The following SLC9A9 variants were observed in gnomAD, a reference collection of about 807,000 sequenced individuals.
SLC9A9 encodes the protein sodium/hydrogen exchanger 9.
SLC9A9 carries 62 observed loss-of-function variants against 77.8 expected under a neutral mutation model. The observed-to-expected ratio is 0.80, with a 90% CI of 0.65 to 0.98. The LOEUF is 0.98. Ranked by LOEUF, SLC9A9 falls within the 50% of genes least tolerant of loss-of-function variation. The pLI, the probability that SLC9A9 is intolerant of heterozygous loss-of-function variation, is 0.00. For synonymous variants in SLC9A9, 320 were observed against 283.5 expected, an observed-to-expected ratio of 1.13 and a Z score of -1.29; for missense variants, 775 against 774.9, an observed-to-expected ratio of 1.00 and a Z score of 0.00.
chr3:143,300,603 A>G (rs1290423412), intron 14 of SLC9A9, among the ~76,000 whole-genome samples: 1 of 152,230 alleles, frequency 6.6e-6, no homozygotes, highest in Non-Finnish European at 1.5e-5. Flanking sequence ...GGTGATGCCT[A>G]TGCTCCTGAT....
intron 6 of SLC9A9, among the ~76,000 whole-genome samples, chr3:143,598,269 C>T (rs920318947): frequency 6.6e-6 from 1 of 152,164 alleles, no homozygotes; most frequent in Non-Finnish European, 1.5e-5. Flanking sequence ...AAAACTGTAT[C>T]CATACAAAGA....
intron 4 of SLC9A9, among the ~76,000 whole-genome samples, chr3:143,723,568 C>T (rs552688562): frequency 3.3e-5 from 5 of 152,186 alleles, no homozygotes; most frequent in African/African-American, 4.8e-5. Context: ...TTTGCCCTAT[C>T]GAAAATGTGT....
chr3:143,311,608 C>T (rs113545019), intron 14 of SLC9A9, among the ~76,000 whole-genome samples: 2 of 152,106 alleles, frequency 1.3e-5, no homozygotes, highest in African/African-American at 2.4e-5. Context: ...GAATTAGGAC[C>T]AGGTACAGTT....
At chr3:143,649,901 G>T (rs1171446848) in intron 6 of SLC9A9, among the ~76,000 whole-genome samples, 1 of 151,444 alleles carries the variant, frequency 6.6e-6, no homozygotes, top group East Asian at 1.9e-4. Flanking sequence ...CAACACAAAA[G>T]AGATTTTCAT....
chr3:143,588,787 C>T (rs1465897865), intron 6 of SLC9A9, among the ~76,000 whole-genome samples: 2 of 152,202 alleles, frequency 1.3e-5, no homozygotes, highest in East Asian at 3.9e-4. Flanking sequence ...CTTTGTATTT[C>T]TCTTTAAAGC....
intron 2 of SLC9A9, among the ~76,000 whole-genome samples, chr3:143,817,809 G>GATATCTGTTTAATGTTTA (rs1553725698): frequency 1.3e-5 from 2 of 151,962 alleles, no homozygotes; most frequent in South Asian, 2.1e-4. Context: ...TCTGTTATCT[G>GATATCTGTTTAATGTTTA]ATAGCCTATT....
chr3:143,782,570 C>A (rs2007916903), intron 4 of SLC9A9, among the ~76,000 whole-genome samples: 1 of 152,186 alleles, frequency 6.6e-6, no homozygotes, highest in Non-Finnish European at 1.5e-5. Context: ...TTATCTCTCT[C>A]TACTATTTAT....
chr3:143,554,855 C>A (rs1233991715), intron 8 of SLC9A9, among the ~76,000 whole-genome samples: 2 of 152,330 alleles, frequency 1.3e-5, no homozygotes, highest in African/African-American at 4.8e-5. Context: ...TCCTTCCCTC[C>A]TTCAGATATC....
chr3:143,291,911 C>T (rs1020973197), intron 14 of SLC9A9, among the ~76,000 whole-genome samples: 29 of 152,182 alleles, frequency 1.9e-4, no homozygotes, highest in African/African-American at 6.0e-4. Context: ...TGAGCCAATA[C>T]GAGTTTTAAA....
rs137975489 is a variant in SLC9A9, at chr3:143,715,809, G to A, written c.534-22502C>T. On this transcript the variant is annotated intron_variant, in intron 4 of 15. Coordinates refer to ENST00000316549, the MANE Select transcript of SLC9A9 (RefSeq NM_173653.4). ...AGGTCAAGTGAGGGCAGCATCGAGC[G>A]TCCTCTCACTGTCATAGAAAACCTG... 6.6e-5 allele frequency among the ~76,000 whole-genome samples: 10 copies of A among 152,276 alleles called. No individual in the cohort carries two copies. The East Asian group carries it at 1.5e-3, about 24-fold the overall frequency.
intron 6 of SLC9A9, among the ~76,000 whole-genome samples, chr3:143,605,607 A>G (rs946226347): frequency 6.6e-6 from 1 of 152,270 alleles, no homozygotes; most frequent in African/African-American, 2.4e-5. Flanking sequence ...AACAAAGTAC[A>G]TCTGCAGATG....
intron 4 of SLC9A9, among the ~76,000 whole-genome samples, chr3:143,699,663 C>T (rs1933740332): frequency 1.3e-5 from 2 of 152,100 alleles, no homozygotes; most frequent in South Asian, 4.1e-4. Context: ...ATTGCCTATC[C>T]CAGCGAATAG....
intron 13 of SLC9A9, among the ~76,000 whole-genome samples, chr3:143,372,256 G>C (rs1189444939): frequency 6.6e-6 from 1 of 152,108 alleles, no homozygotes; most frequent in African/African-American, 2.4e-5. Context: ...AATAGTCAAA[G>C]CAATCCTAAG....
chr3:143,324,025 G>A (rs1425740225), intron 14 of SLC9A9, among the ~76,000 whole-genome samples: 1 of 152,056 alleles, frequency 6.6e-6, no homozygotes, highest in Non-Finnish European at 1.5e-5. Flanking sequence ...ATATTTGTCA[G>A]TCTGCTCTTG....
intron 9 of SLC9A9, chr3:143,503,530 C>A: frequency 5.0e-6 from 2 of 397,582 alleles, no homozygotes; most frequent in South Asian, 3.8e-5. Flanking sequence ...ACAAGTCTCT[C>A]CAGATGGCAG....
At chr3:143,378,639 T>C (rs567815737) in intron 13 of SLC9A9, among the ~76,000 whole-genome samples, 1 of 152,278 alleles carries the variant, frequency 6.6e-6, no homozygotes, top group East Asian at 1.9e-4. Context: ...CCAGTGACTC[T>C]CACCTACTCT....
intron 5 of SLC9A9, among the ~76,000 whole-genome samples, chr3:143,686,843 T>C (rs1231727372): frequency 1.3e-5 from 2 of 152,160 alleles, no homozygotes; most frequent in Non-Finnish European, 2.9e-5. Flanking sequence ...TCCAGCTGTT[T>C]GGGCTTTTGC....
intron 8 of SLC9A9, among the ~76,000 whole-genome samples, chr3:143,556,915 A>T (rs1311217679): frequency 6.6e-6 from 1 of 152,200 alleles, no homozygotes; most frequent in Non-Finnish European, 1.5e-5. Context: ...AGGCAAGACC[A>T]TGTGCCAAGT....
At chr3:143,498,650 C>T (rs556661232) in intron 9 of SLC9A9, among the ~76,000 whole-genome samples, 1 of 151,906 alleles carries the variant, frequency 6.6e-6, no homozygotes, top group African/African-American at 2.4e-5. Flanking sequence ...CAGGAAAGTG[C>T]ATATATCATA....
Sources: gnomAD v4.1 joint callset for allele counts (sites outside exome capture counted in the v4.1 genomes callset) on GRCh38, gnomAD v4.1.1 for gene constraint, MANE v1.5 for transcripts, NCBI Gene and HGNC (gene_info 2026-07-23, HGNC 2026-07-21) for gene names.